Variants in PTPRZ1 observed in about 807,000 individuals in gnomAD.
PTPRZ1 encodes receptor-type tyrosine-protein phosphatase zeta.
In PTPRZ1, 82 loss-of-function variants were observed where a neutral mutation model predicts 214.1. The observed-to-expected ratio is 0.38, with a 90% CI of 0.32 to 0.46. The LOEUF (loss-of-function observed/expected upper bound fraction) is 0.46. Among genes scored for constraint, PTPRZ1 ranks in the 20% least tolerant of loss-of-function variants. PTPRZ1 has a pLI of 1.00. For synonymous variants in PTPRZ1, 945 were observed against 987.9 expected (o/e 0.96, Z 0.81); for missense variants, 2,603 against 2,748.7 (o/e 0.95, Z 1.19).
At chr7:122,001,327 G>T (rs1290856339) in intron 10 of PTPRZ1, among the ~76,000 whole-genome samples, 1 of 151,932 alleles carries the variant, frequency 6.6e-6, no homozygotes, top group Non-Finnish European at 1.5e-5. Flanking sequence ...TTATCTTATT[G>T]TTACTAAGAT....
intron 6 of PTPRZ1, among the ~76,000 whole-genome samples, chr7:121,979,592 G>A (rs1797541462): frequency 6.6e-6 from 1 of 152,058 alleles, no homozygotes; most frequent in Admixed American, 6.5e-5. Flanking sequence ...GCCCTATTGT[G>A]GTTTCTTCAT....
intron 1 of PTPRZ1, among the ~76,000 whole-genome samples, chr7:121,902,524 G>C (rs1033216700): frequency 6.6e-6 from 1 of 152,012 alleles, no homozygotes; most frequent in Non-Finnish European, 1.5e-5. Flanking sequence ...ACCAGCATTT[G>C]TTATTTTTTG....
chr7:122,033,679 C>T (rs546888928), intron 15 of PTPRZ1, among the ~76,000 whole-genome samples: 1 of 151,726 alleles, frequency 6.6e-6, no homozygotes, highest in African/African-American at 2.4e-5. Context: ...TTTAAAGTAA[C>T]CCCCCAAAAA....
intron 1 of PTPRZ1, among the ~76,000 whole-genome samples, chr7:121,915,915 A>T (rs1336128359): frequency 6.6e-6 from 1 of 152,186 alleles, no homozygotes; most frequent in Non-Finnish European, 1.5e-5. Flanking sequence ...CTTAGAGAGA[A>T]ACATTGACTT....
In PTPRZ1 at chr7:122,011,814, G is replaced by T; in HGVS notation, c.2768G>T (p.Gly923Val). The T allele has an allele frequency of 6.2e-7, 1 of 1,613,990 alleles. No homozygotes were observed. Among genetic ancestry groups the T allele is most frequent in the Non-Finnish European group, 8.5e-7 (1 of 1,179,950 alleles). Residue 923 changes from glycine to valine, a missense_variant, in exon 12 of 30, where the codon GGG becomes GTG. Transcript: ENST00000393386. ...GCCATGATGCATGCACGTTCTTCAG[G>T]GCCTGAACCTTCTTATGCCTTGTCT... ...SDAMMHARSS[G>V]PEPSYALSDN...
chr7:121,889,806 A>C (rs916862842), intron 1 of PTPRZ1, among the ~76,000 whole-genome samples: 1 of 152,176 alleles, frequency 6.6e-6, no homozygotes, highest in Non-Finnish European at 1.5e-5. Flanking sequence ...ACGTTGGTAC[A>C]TCCAATATTC....
At chr7:121,942,244 A>G (rs1290233166) in intron 2 of PTPRZ1, among the ~76,000 whole-genome samples, 3 of 152,240 alleles carry the variant, frequency 2.0e-5, no homozygotes, top group Non-Finnish European at 4.4e-5. Context: ...AAATTGATTG[A>G]CAATGTTACT....
intron 3 of PTPRZ1, among the ~76,000 whole-genome samples, chr7:121,968,506 ATATGAAAAAAGCAATTGGC>A (rs1463296579): frequency 6.6e-6 from 1 of 152,102 alleles, no homozygotes; most frequent in Non-Finnish European, 1.5e-5. Flanking sequence ...CAGTATTTGG[ATATGAAAAAAGCAATTGGC>A]TATAATTGAA....
At chr7:121,890,110 G>A (rs1794540448) in intron 1 of PTPRZ1, among the ~76,000 whole-genome samples, 1 of 152,070 alleles carries the variant, frequency 6.6e-6, no homozygotes, top group Non-Finnish European at 1.5e-5. Context: ...TCTCTACATT[G>A]ATAACTCCCA....
At position 121,970,865 on chromosome 7, in the gene PTPRZ1, C is replaced by G. The variant is rs981299698; in HGVS notation, c.305-1676C>G. On this transcript the variant is annotated intron_variant, in intron 3 of 29. Coordinates refer to ENST00000393386, the MANE Select transcript of PTPRZ1 (RefSeq NM_002851.3). Reference sequence around the variant, plus strand: ...CCATTGCTTTTGGTGTTTTAGACATCAAGTCCTTGCCCATGCCTATGTCCT... The same window carrying G: ...CCATTGCTTTTGGTGTTTTAGACATGAAGTCCTTGCCCATGCCTATGTCCT... Among the ~76,000 whole-genome samples, 21 of 152,216 alleles carry G rather than the reference C, an allele frequency of 1.4e-4. No homozygotes were observed. In the South Asian group the frequency reaches 1.7e-3, roughly 12 times the overall value.
intron 13 of PTPRZ1, chr7:122,028,285 G>A: frequency 3.3e-6 from 1 of 302,772 alleles, no homozygotes; most frequent in Non-Finnish European, 6.1e-6. Flanking sequence ...TTTGAACCCA[G>A]CTACAACTTC....
intron 2 of PTPRZ1, chr7:121,966,934 G>A (rs1045947809): frequency 6.6e-6 from 1 of 152,136 alleles, no homozygotes; most frequent in African/African-American, 2.4e-5. Flanking sequence ...AAAGCATTCA[G>A]AAGAATATAA....
chr7:121,955,965 G>T (rs1422098491), intron 2 of PTPRZ1, among the ~76,000 whole-genome samples: 1 of 152,112 alleles, frequency 6.6e-6, no homozygotes, highest in Non-Finnish European at 1.5e-5. Context: ...TGAAAGATAG[G>T]AGGACTTTGG....
At chr7:122,053,831 T>C in intron 25 of PTPRZ1, 79 bp from the exon 26 acceptor site, 2 of 1,518,916 alleles carry the variant, frequency 1.3e-6, no homozygotes, top group South Asian at 2.4e-5. Context: ...TGACTTAAGG[T>C]CCATTGATGT....
chr7:121,962,294 A>T (rs1796903099), intron 2 of PTPRZ1, among the ~76,000 whole-genome samples: 1 of 151,788 alleles, frequency 6.6e-6, no homozygotes, highest in African/African-American at 2.4e-5. Flanking sequence ...TAAAAATACA[A>T]AAAGTTAGCT....
chr7:122,061,020 T>C (rs1227847092), intron 29 of PTPRZ1, 60 bp from the exon 30 acceptor site: 25 of 1,476,394 alleles, frequency 1.7e-5, no homozygotes, highest in Non-Finnish European at 5.5e-6. Flanking sequence ...TTTCTTCTTT[T>C]TACAAATGTA....
chr7:121,980,345 C>A (rs1468697627), intron 6 of PTPRZ1, among the ~76,000 whole-genome samples: 1 of 152,108 alleles, frequency 6.6e-6, no homozygotes, highest in Non-Finnish European at 1.5e-5. Flanking sequence ...AATTTAACTA[C>A]AACACTTTTC....
At chr7:121,910,198 T>C (rs1011344036) in intron 1 of PTPRZ1, among the ~76,000 whole-genome samples, 1 of 152,174 alleles carries the variant, frequency 6.6e-6, no homozygotes, top group Non-Finnish European at 1.5e-5. Flanking sequence ...CCCTCAGGTG[T>C]CTGCAGACTT....
At chr7:121,887,765 G>A (rs904722285) in intron 1 of PTPRZ1, among the ~76,000 whole-genome samples, 8 of 152,042 alleles carry the variant, frequency 5.3e-5, no homozygotes, top group Non-Finnish European at 8.8e-5. Flanking sequence ...CCTGCACAGC[G>A]GATGCACCAT....
Sources: gnomAD v4.1 joint callset for allele counts (sites outside exome capture counted in the v4.1 genomes callset) on GRCh38, gnomAD v4.1.1 for gene constraint, MANE v1.5 for transcripts, NCBI Gene and HGNC (gene_info 2026-07-23, HGNC 2026-07-21) for gene names.